The following ZNF676 variants were observed in gnomAD, a reference collection of about 807,000 sequenced individuals.
The protein encoded by ZNF676 is zinc finger protein 676.
In ZNF676, 4 loss-of-function variants were observed where a neutral mutation model predicts 6.0. The observed-to-expected ratio is 0.67, with a 90% CI of 0.33 to 1.53. ZNF676 has a LOEUF of 1.53. Among genes scored for constraint, ZNF676 ranks in the 40% most tolerant of loss-of-function variants. The pLI is 0.06. For synonymous variants in ZNF676, 198 were observed against 223.1 expected (o/e 0.89, Z 1.00); for missense variants, 644 against 679.7 (o/e 0.95, Z 0.58).
At chr19:22,187,142 T>TA (rs918931109) in intron 2 of ZNF676, among the ~76,000 whole-genome samples, 88 of 152,000 alleles carry the variant, frequency 5.8e-4, no homozygotes, top group Admixed American at 7.2e-4. Context: ...TCAGCAAAAG[T>TA]AAAAAAACAG....
At position 22,193,007 on chromosome 19, in the gene ZNF676, C is replaced by T. The variant is rs770824301; in HGVS notation, c.130+9G>A. 12 of 1,602,948 alleles carry T rather than the reference C, an allele frequency of 7.5e-6. No homozygotes were observed. The highest frequency in any genetic ancestry group is 1.0e-5 in the Non-Finnish European group (12 of 1,175,766). ...CTCATTCATGTTGTCTGTATTCACT[C>T]TCACCTACCTGGGGGTTCTTCCACC... On this transcript the variant is annotated intron_variant, in intron 2 of 2. Transcript: ENST00000397121.
chr19:22,252,625 G>C, the ZNF676 span, among the ~76,000 whole-genome samples: 1 of 152,160 alleles, frequency 6.6e-6, no homozygotes, highest in Admixed American at 6.5e-5. Flanking sequence ...GGGACCAAAA[G>C]GTATGTTACA....
At chr19:22,227,303 T>G in the ZNF676 span, among the ~76,000 whole-genome samples, 3 of 152,274 alleles carry the variant, frequency 2.0e-5, no homozygotes, top group African/African-American at 4.8e-5. Flanking sequence ...GTAAGTTCTT[T>G]GAAACCAATA....
At chr19:22,182,970 AATAG>A (rs1171383852) in intron 2 of ZNF676, among the ~76,000 whole-genome samples, 3 of 152,160 alleles carry the variant, frequency 2.0e-5, no homozygotes, top group East Asian at 1.9e-4. Flanking sequence ...ATACAACATA[AATAG>A]ATAAACTTAG....
intron 2 of ZNF676, among the ~76,000 whole-genome samples, chr19:22,188,601 T>C (rs970631082): frequency 5.3e-5 from 8 of 152,166 alleles, no homozygotes; most frequent in Non-Finnish European, 1.0e-4. Context: ...TGTTTGTATA[T>C]TTAGAAAACC....
Position 22,183,200 on chromosome 19 carries a change from CAGAAAG to C in ZNF676, c.131-1620_131-1615del, listed in dbSNP as rs1249506114. Among the ~76,000 whole-genome samples the C allele has an allele frequency of 5.9e-5, 9 of 151,484 alleles. No homozygotes were observed. In the South Asian group the frequency reaches 1.7e-3, roughly 28 times the overall value. ...AAAACCAGAAAGAAACAAAGGAAGA[CAGAAAG>C]AGAAAATGAGGGACAAGATGAAAGA... On this transcript the variant is annotated intron_variant, in intron 2 of 2. Transcript: ENST00000397121.
At chr19:22,217,039 T>C (rs1257990633), upstream of ZNF676, among the ~76,000 whole-genome samples, 1 of 152,008 alleles carries the variant, frequency 6.6e-6, no homozygotes, top group African/African-American at 2.4e-5. Flanking sequence ...GGGGTACATG[T>C]AGTATTTGGT....
At chr19:22,237,939 T>C in the ZNF676 span, among the ~76,000 whole-genome samples, 2 of 152,180 alleles carry the variant, frequency 1.3e-5, no homozygotes, top group East Asian at 3.9e-4. Flanking sequence ...AGAGTTTGTG[T>C]GTGTTTTTCC....
chr19:22,190,640 T>C (rs2023890651), intron 2 of ZNF676, among the ~76,000 whole-genome samples: 2 of 74,912 alleles, frequency 2.7e-5, no homozygotes, highest in Non-Finnish European at 5.1e-5. Flanking sequence ...CATATATATA[T>C]ATATATATAT....
At chr19:22,234,578 C>T in the ZNF676 span, among the ~76,000 whole-genome samples, 1 of 152,102 alleles carries the variant, frequency 6.6e-6, no homozygotes, top group South Asian at 2.1e-4. Context: ...CAGTAACAGG[C>T]CAAGAGTTGT....
intron 1 of ZNF676, among the ~76,000 whole-genome samples, chr19:22,212,129 G>A (rs959487600): frequency 1.3e-5 from 2 of 149,966 alleles, no homozygotes; most frequent in South Asian, 2.1e-4. Context: ...GAACCTGGGA[G>A]GCGAAGCTTG....
chr19:22,222,766 C>G, the ZNF676 span, among the ~76,000 whole-genome samples: 3 of 152,174 alleles, frequency 2.0e-5, no homozygotes, highest in African/African-American at 7.2e-5. Flanking sequence ...TAGGATTTAC[C>G]TTTAGTTGGC....
chr19:22,204,576 G>A lies in ZNF676; in HGVS notation c.4-7850C>T, dbSNP rs115336803. Among the ~76,000 whole-genome samples the A allele has an allele frequency of 4.1e-3, 624 of 152,240 alleles. 5 individuals carry two copies. Among genetic ancestry groups the A allele is most frequent in the African/African-American group, 0.014 (590 of 41,526 alleles). ...TATACACTGAACTCTTCTGGCTTTC[G>A]CAGTGTAAGTATTTCAGCCTGCAAA... On this transcript the variant is annotated intron_variant, in intron 1 of 3. Coordinates refer to the ZNF676 transcript ENST00000650058.
upstream of ZNF676, chr19:22,196,988 A>G: frequency 2.8e-6 from 1 of 359,114 alleles, no homozygotes; most frequent in Non-Finnish European, 5.0e-6. Flanking sequence ...TTGAGGGCAA[A>G]AACACTAACA....
intron 2 of ZNF676, among the ~76,000 whole-genome samples, chr19:22,188,883 G>A (rs951343886): frequency 2.6e-5 from 4 of 152,210 alleles, no homozygotes; most frequent in South Asian, 2.1e-4. Context: ...AACATTCCAC[G>A]CTCATGCATA....
intron 1 of ZNF676, chr19:22,215,502 T>C: frequency 9.3e-7 from 1 of 1,071,582 alleles, no homozygotes; most frequent in South Asian, 1.4e-5. Context: ...TGAAGGGGAC[T>C]GAGGTCGAGC....
rs67699215 is a variant in ZNF676 at position 22,182,585 on chromosome 19, T to TAAAAAAAAA, written c.131-1008_131-1000dup. Among the ~76,000 whole-genome samples, 119 of 44,988 alleles carry TAAAAAAAAA rather than the reference T, an allele frequency of 2.6e-3. 2 individuals carry two copies. Among genetic ancestry groups the TAAAAAAAAA allele is most frequent in the African/African-American group, 0.013 (118 of 9,440 alleles). The allele number at this position is 44,988 out of a possible 152,430, so 29.5% of individuals were successfully genotyped here. On this transcript the variant is annotated intron_variant, in intron 2 of 2. Transcript: ENST00000397121. ...GAACAGTGTGATATAGTCAAAGTTC[T>TAAAAAAAAA]AAAAAAAAAAAAAAAAAGCAAACAA...
At chr19:22,236,404 A>T in the ZNF676 span, among the ~76,000 whole-genome samples, 1 of 152,150 alleles carries the variant, frequency 6.6e-6, no homozygotes, top group Non-Finnish European at 1.5e-5. Context: ...CTTTAACTGG[A>T]GGACCACAGT....
chr19:22,208,327 T>C (rs1187837316), intron 1 of ZNF676, among the ~76,000 whole-genome samples: 2 of 146,962 alleles, frequency 1.4e-5, no homozygotes, highest in Non-Finnish European at 3.0e-5. Context: ...GAGACAAACA[T>C]GTGGCTAACA....
Sources: allele counts gnomAD v4.1 joint callset (sites outside exome capture counted in the v4.1 genomes callset), GRCh38; gene constraint gnomAD v4.1.1; transcripts MANE v1.5; gene names NCBI Gene and HGNC (gene_info 2026-07-23, HGNC 2026-07-21).